Variants in EGF observed in about 807,000 individuals in gnomAD.
EGF encodes epidermal growth factor, also known as pro-epidermal growth factor.
In EGF, 95 loss-of-function variants were observed where a neutral mutation model predicts 143.8. The ratio of observed to expected loss-of-function variants is 0.66; its 90% confidence interval spans 0.56 to 0.78. The LOEUF (loss-of-function observed/expected upper bound fraction) is 0.78. EGF is among the 30% of genes least tolerant of loss of function. The probability of loss-of-function intolerance (pLI) is 0.00; values close to 1 mark genes in which losing one functional copy is unlikely to be tolerated. For missense variants in EGF, 1,320 were observed against 1,470.9 expected, an observed-to-expected ratio of 0.90 and a Z score of 1.68; for synonymous variants, 510 against 510.5, an observed-to-expected ratio of 1.00 and a Z score of 0.01.
chr4:109,988,466 C>A, intron 17 of EGF, 118 bp from the exon 18 acceptor site: 6 of 1,480,042 alleles, frequency 4.1e-6, no homozygotes, highest in Non-Finnish European at 5.6e-6. Flanking sequence ...ATGTTGGCAA[C>A]AGCACCTGTA....
chr4:110,010,421 A>AT (rs397784979), intron 23 of EGF, among the ~76,000 whole-genome samples: 23 of 152,044 alleles, frequency 1.5e-4, no homozygotes, highest in African/African-American at 5.6e-4. Context: ...TTTTAAAAAA[A>AT]TTTTAAGATG....
chr4:109,947,276 A>G (rs1743024430), intron 5 of EGF, among the ~76,000 whole-genome samples: 1 of 152,190 alleles, frequency 6.6e-6, no homozygotes, highest in Non-Finnish European at 1.5e-5. Context: ...CCTTTATGTA[A>G]AAGTTTTATT....
At position 110,011,527 on chromosome 4, in the gene EGF, G is replaced by A; in HGVS notation, c.*72G>A. 6.2e-7 allele frequency: 1 copy of A among 1,610,872 alleles called. No homozygotes were observed. The highest frequency in any genetic ancestry group is 2.2e-5 in the East Asian group (1 of 44,860). On this transcript the variant is annotated 3_prime_UTR_variant, in exon 24 of 24. Transcript: ENST00000265171. The stretch of plus-strand genomic sequence containing the variant: ...CACAGTATCTTTTCTTTCAAAAGTA[G>A]AGCAAAACTATAGGTTTTGGTTCCA...
chr4:109,999,314 T>C lies in EGF; in HGVS notation c.3006-365T>C, dbSNP rs144860753. On this transcript the variant is annotated intron_variant, in intron 20 of 23. Coordinates refer to ENST00000265171, the MANE Select transcript of EGF (RefSeq NM_001963.6). ...ATACTCATTGCAATCTGGCCAAACA[T>C]TTGTTTCCAAAACTCCCTTGGCTCT... is the stretch of plus-strand genomic sequence containing the variant. Among the ~76,000 whole-genome samples the C allele has an allele frequency of 1.3e-4, 20 of 152,344 alleles. No homozygotes were observed. In the East Asian group the frequency reaches 3.7e-3, roughly 28 times the overall value.
At chr4:109,967,223 T>A (rs1257489525) in intron 10 of EGF, among the ~76,000 whole-genome samples, 1 of 152,198 alleles carries the variant, frequency 6.6e-6, no homozygotes, top group Non-Finnish European at 1.5e-5. Context: ...TTTTATATGG[T>A]GAGAGATAAG....
chr4:109,978,240 A>G (rs915814055), intron 13 of EGF, among the ~76,000 whole-genome samples: 1 of 152,206 alleles, frequency 6.6e-6, no homozygotes, highest in Admixed American at 6.5e-5. Context: ...ATGTATATAT[A>G]TTTTAAAACA....
At chr4:110,004,199 C>T (rs1211124594) in intron 21 of EGF, 6 of 404,432 alleles carry the variant, frequency 1.5e-5, no homozygotes, top group East Asian at 5.9e-5. Context: ...TTCCCCCCAA[C>T]ATACATGGGC....
rs78528642 is a variant in EGF, at chr4:109,947,431, G to A, written c.940+2156G>A. On this transcript the variant is annotated intron_variant, in intron 5 of 23. Transcript: ENST00000265171. ...GCTCTGTCACCCAGGCTGGAGTGCC[G>A]TGGCACAATCTCACTTGAATTCACA... Among the ~76,000 whole-genome samples, 1,990 of 150,782 alleles carry A rather than the reference G, an allele frequency of 0.013. 209 individuals carry two copies. The East Asian group carries it at 0.24, about 18-fold the overall frequency.
intron 13 of EGF, among the ~76,000 whole-genome samples, chr4:109,978,271 A>G (rs1164481077): frequency 6.6e-6 from 1 of 152,254 alleles, no homozygotes; most frequent in Non-Finnish European, 1.5e-5. Context: ...TGCAATAAAA[A>G]CATATAATAT....
At position 109,988,624 on chromosome 4, in the gene EGF, T is replaced by G; in HGVS notation, c.2649T>G (p.Pro883=). The G allele has an allele frequency of 6.2e-7, 1 of 1,614,116 alleles. No homozygotes were observed. ...ECEMGVPVCP[P]ASSKCINTEG... is the part of the protein sequence containing the mutation. ...AGATGGGTGTCCCAGTGTGCCCCCC[T>G]GCCTCCTCCAAGTGCATCAACACCG... The change falls in exon 18 of 24, where the codon CCT becomes CCG. Residue 883 remains proline, a synonymous_variant. Transcript: ENST00000265171.
At chr4:109,943,787 C>T in intron 3 of EGF, 55 bp from the exon 4 acceptor site, 2 of 1,462,900 alleles carry the variant, frequency 1.4e-6, no homozygotes, top group Non-Finnish European at 1.9e-6. Context: ...AGAGAGTTGG[C>T]CATTTAAGGC....
At chr4:109,948,105 A>G (rs57608907) in intron 5 of EGF, among the ~76,000 whole-genome samples, 2,534 of 152,330 alleles carry the variant, frequency 0.017, 62 homozygotes, top group African/African-American at 0.056. Context: ...AAAATCTACA[A>G]TGATTCACTA....
At position 109,943,723 on chromosome 4, in the gene EGF, A is replaced by G. The variant is rs573988680; in HGVS notation, c.510-119A>G. On this transcript the variant is annotated intron_variant, in intron 3 of 23. Coordinates refer to ENST00000265171, the MANE Select transcript of EGF (RefSeq NM_001963.6). ...TAGGGCAGTGTTTACTTGTTGAATAAATTTTCATTCAAAATAGTCAAACTT... is the reference window on the plus strand; with the variant it reads ...TAGGGCAGTGTTTACTTGTTGAATAGATTTTCATTCAAAATAGTCAAACTT... The G allele has an allele frequency of 5.5e-6, 5 of 912,286 alleles. No homozygotes were observed. In the African/African-American group the frequency reaches 6.6e-5, roughly 12 times the overall value. 56.5% of individuals were successfully genotyped at this position (912,286 alleles called of 1,614,324 possible).
At chr4:109,943,097 G>C (rs1238295671) in intron 2 of EGF, among the ~76,000 whole-genome samples, 157 bp from the exon 3 acceptor site, 1 of 152,100 alleles carries the variant, frequency 6.6e-6, no homozygotes, top group African/African-American at 2.4e-5. Flanking sequence ...CAAAACAAAG[G>C]CACCGTATCT....
chr4:109,980,498 A>G (rs930690596), intron 14 of EGF: 1 of 465,462 alleles, frequency 2.1e-6, no homozygotes, highest in African/African-American at 2.0e-5. Flanking sequence ...TTCACATTTT[A>G]TAGTAGCTCT....
intron 22 of EGF, among the ~76,000 whole-genome samples, chr4:110,005,203 G>A (rs1325125192): frequency 3.3e-5 from 5 of 151,152 alleles, no homozygotes; most frequent in African/African-American, 7.3e-5. Context: ...ACACCGCCAC[G>A]CCCAGCTAAT....
At chr4:109,938,514 T>C (rs945203820) in intron 1 of EGF, among the ~76,000 whole-genome samples, 2 of 152,242 alleles carry the variant, frequency 1.3e-5, no homozygotes, top group African/African-American at 4.8e-5. Context: ...AGCCTACTTC[T>C]GTCACCTTGT....
At chr4:109,982,134 TATTA>T (rs1749465793) in intron 15 of EGF, among the ~76,000 whole-genome samples, 1 of 150,298 alleles carries the variant, frequency 6.7e-6, no homozygotes. Context: ...TTATTTAAAT[TATTA>T]ATTATTAATG....
At chr4:109,987,708 C>G in intron 16 of EGF, 36 bp from the exon 17 acceptor site, 1 of 1,548,854 alleles carries the variant, frequency 6.5e-7, no homozygotes, top group Non-Finnish European at 8.9e-7. Context: ...TCTCTAAGGT[C>G]TAGAAATAAC....
Sources: allele counts gnomAD v4.1 joint callset (sites outside exome capture counted in the v4.1 genomes callset), GRCh38; gene constraint gnomAD v4.1.1; transcripts MANE v1.5; gene names NCBI Gene and HGNC (gene_info 2026-07-23, HGNC 2026-07-21).